CFAP47: variants seen among roughly 807,000 people sequenced by gnomAD.
CFAP47 encodes the protein cilia- and flagella-associated protein 47.
CFAP47 carries 29 observed loss-of-function variants against 148.1 expected under a neutral mutation model. That is an observed-to-expected ratio of 0.20 (90% CI 0.15 to 0.27). The LOEUF is 0.27. Ranked by LOEUF, CFAP47 falls within the 10% of genes least tolerant of loss-of-function variation. The probability of loss-of-function intolerance (pLI) is 1.00; values close to 1 mark genes in which losing one functional copy is unlikely to be tolerated. For synonymous variants in CFAP47, 664 were observed against 577.3 expected, an observed-to-expected ratio of 1.15 and a Z score of -2.15; for missense variants, 1,872 against 1,697.5, an observed-to-expected ratio of 1.10 and a Z score of -1.81.
intron 22 of CFAP47, among the ~76,000 whole-genome samples, chrX:36,028,659 A>G (rs1291194412): frequency 9.0e-6 from 1 of 111,115 alleles, no homozygotes; most frequent in African/African-American, 3.3e-5. Flanking sequence ...CAGCTAGATT[A>G]TTGTTTGTAT....
intron 8 of CFAP47, among the ~76,000 whole-genome samples, chrX:35,963,460 A>C (rs1936361633): frequency 9.0e-6 from 1 of 110,915 alleles, no homozygotes; most frequent in Non-Finnish European, 1.9e-5. Flanking sequence ...AAGAAAATCC[A>C]TTTACTTTTT....
In CFAP47 at chrX:36,077,739, C is replaced by A. The variant is rs950376720; in HGVS notation, c.4691+4375C>A. ...ACCTACCTCAAAAATTAGAAAGATT[C>A]CAAATTGCTGGGTGCAATGGCTCAT... On this transcript the variant is annotated intron_variant, in intron 29 of 63. Coordinates refer to ENST00000378653, the MANE Select transcript of CFAP47 (RefSeq NM_001304548.2). Among the ~76,000 whole-genome samples, 3 of 111,431 alleles carry A rather than the reference C, an allele frequency of 2.7e-5. No individual in the cohort carries two copies. The South Asian group carries it at 1.1e-3, about 42-fold the overall frequency.
In CFAP47 at chrX:36,258,481, G is replaced by A. The variant is rs181771645; in HGVS notation, c.7444+7037G>A. Among the ~76,000 whole-genome samples the A allele has an allele frequency of 3.1e-4, 35 of 111,401 alleles. 2 individuals carry two copies. The highest frequency in any genetic ancestry group is 2.3e-3 in the Admixed American group (24 of 10,495). On this transcript the variant is annotated intron_variant, in intron 49 of 63. Transcript: ENST00000378653. ...TACATTTACATATCCTGAATAAGCC[G>A]TCTTTGATTTTTGACATTTAATTGA...
At chrX:36,253,514 T>G (rs1281110803) in intron 49 of CFAP47, among the ~76,000 whole-genome samples, 26 of 111,795 alleles carry the variant, frequency 2.3e-4, no homozygotes, top group Admixed American at 2.3e-3. Flanking sequence ...TATGAGAATT[T>G]TCCTGCTTTT....
At chrX:35,955,564 G>A (rs763296592) in intron 7 of CFAP47, among the ~76,000 whole-genome samples, 35 of 111,089 alleles carry the variant, frequency 3.2e-4, no homozygotes, top group African/African-American at 1.1e-3. Context: ...TTATATCTTG[G>A]CTCAAGTATC....
chrX:36,144,967 C>G, intron 35 of CFAP47: 1 of 615,282 alleles, frequency 1.6e-6, no homozygotes, highest in Non-Finnish European at 2.3e-6. Context: ...CTGGGAGCCC[C>G]TATTGGCTTC....
chrX:35,988,457 T>A (rs185540124), intron 15 of CFAP47, among the ~76,000 whole-genome samples: 1 of 111,691 alleles, frequency 9.0e-6, no homozygotes, highest in African/African-American at 3.3e-5. Flanking sequence ...ACTATGTTAC[T>A]CCCCATACAT....
intron 3 of CFAP47, among the ~76,000 whole-genome samples, chrX:35,943,032 A>G (rs1300816406): frequency 1.8e-5 from 2 of 111,497 alleles, no homozygotes; most frequent in East Asian, 2.8e-4. Context: ...TTTATCCCAC[A>G]TGCTTGGAAT....
At chrX:36,288,585 T>C (rs112802854) in intron 51 of CFAP47, among the ~76,000 whole-genome samples, 2 of 112,688 alleles carry the variant, frequency 1.8e-5, no homozygotes, top group African/African-American at 6.4e-5. Flanking sequence ...ATTTATTTCT[T>C]TCTGAGCTTT....
chrX:35,971,284 G>A (rs1038309310), intron 11 of CFAP47, among the ~76,000 whole-genome samples: 1 of 111,982 alleles, frequency 8.9e-6, no homozygotes, highest in Non-Finnish European at 1.9e-5. Context: ...GGTCTCTTGA[G>A]ACTAAATTTT....
At chrX:36,357,867 T>C (rs1941797694) in intron 60 of CFAP47, among the ~76,000 whole-genome samples, 1 of 111,985 alleles carries the variant, frequency 8.9e-6, no homozygotes, top group Admixed American at 9.5e-5. Flanking sequence ...CCAATTGTTC[T>C]ATAGCTCAAT....
chrX:36,002,292 TTC>T (rs1312139275), intron 21 of CFAP47, among the ~76,000 whole-genome samples: 6 of 111,036 alleles, frequency 5.4e-5, no homozygotes, highest in Non-Finnish European at 1.1e-4. Flanking sequence ...ACGAGAGAGC[TTC>T]TCTCTACGCA....
intron 60 of CFAP47, among the ~76,000 whole-genome samples, chrX:36,356,588 A>T (rs1414769368): frequency 2.7e-5 from 3 of 110,640 alleles, no homozygotes; most frequent in African/African-American, 9.9e-5. Context: ...CTTTTTCTTT[A>T]TGAAAGGACA....
chrX:35,992,264 T>C (rs1271378160), intron 17 of CFAP47, among the ~76,000 whole-genome samples: 1 of 111,232 alleles, frequency 9.0e-6, no homozygotes, highest in Admixed American at 9.7e-5. Flanking sequence ...ATTTTCCTTT[T>C]CATTTCAGTC....
intron 29 of CFAP47, among the ~76,000 whole-genome samples, chrX:36,077,223 TG>T (rs1937880293): frequency 1.2e-5 from 1 of 84,879 alleles, no homozygotes. Flanking sequence ...TTTTTTTTTT[TG>T]CTCAGGAGTC....
chrX:36,245,494 G>A (rs1940604282), intron 48 of CFAP47, among the ~76,000 whole-genome samples: 1 of 111,999 alleles, frequency 8.9e-6, no homozygotes, highest in South Asian at 3.7e-4. Context: ...TAGAGTTTTA[G>A]GATAAACAAA....
intron 6 of CFAP47, 48 bp downstream of exon 6, chrX:35,952,011 A>C (rs377259152): frequency 5.5e-6 from 6 of 1,098,481 alleles, no homozygotes; most frequent in Non-Finnish European, 7.2e-6. Context: ...AATGGAAAGT[A>C]TATTAACCAC....
intron 51 of CFAP47, among the ~76,000 whole-genome samples, chrX:36,291,272 C>G (rs782075920): frequency 1.8e-5 from 2 of 111,952 alleles, no homozygotes; most frequent in East Asian, 5.6e-4. Context: ...CATATTGTAC[C>G]TTGGAAATTT....
chrX:36,377,026 A>T (rs1325224697), intron 62 of CFAP47, among the ~76,000 whole-genome samples: 1 of 111,302 alleles, frequency 9.0e-6, no homozygotes, highest in Admixed American at 9.5e-5. Flanking sequence ...TCTATCATTG[A>T]TGGACATTTG....
Sources: allele counts gnomAD v4.1 joint callset (sites outside exome capture counted in the v4.1 genomes callset), GRCh38; gene constraint gnomAD v4.1.1; transcripts MANE v1.5; gene names NCBI Gene and HGNC (gene_info 2026-07-23, HGNC 2026-07-21).